The following GAB2 variants were observed in gnomAD, a reference collection of about 807,000 sequenced individuals.
The protein encoded by GAB2 is GRB2 associated binding protein 2.
A neutral mutation model predicts 65.5 loss-of-function variants in GAB2; 26 were observed. The observed-to-expected ratio is 0.40, with a 90% CI of 0.29 to 0.55. The LOEUF (loss-of-function observed/expected upper bound fraction) is 0.55. Ranked by LOEUF, GAB2 falls within the 20% of genes least tolerant of loss-of-function variation. The pLI is 0.53. For missense variants in GAB2, 884 were observed against 875.8 expected (o/e 1.01, Z -0.12); for synonymous variants, 321 against 329.6 (o/e 0.97, Z 0.28).
chr11:78,248,458 G>A (rs1305986536), intron 3 of GAB2, among the ~76,000 whole-genome samples: 1 of 152,188 alleles, frequency 6.6e-6, no homozygotes, highest in Admixed American at 6.5e-5. Flanking sequence ...GTCAGAGTGA[G>A]CATTTCAGTA....
intron 2 of GAB2, among the ~76,000 whole-genome samples, chr11:78,275,805 T>G (rs1304881510): frequency 6.6e-6 from 1 of 152,118 alleles, no homozygotes; most frequent in African/African-American, 2.4e-5. Context: ...TATATCTATA[T>G]CTATATATAT....
At chr11:78,265,583 AG>A (rs1865855025) in intron 2 of GAB2, among the ~76,000 whole-genome samples, 2 of 152,236 alleles carry the variant, frequency 1.3e-5, no homozygotes, top group African/African-American at 4.8e-5. Flanking sequence ...AGCAAATAAA[AG>A]CAAACAATAA....
At position 78,280,775 on chromosome 11, in the gene GAB2, G is replaced by T. The variant is rs530718194; in HGVS notation, c.202C>A (p.Gln68Lys). 6.2e-7 allele frequency: 1 copy of T among 1,614,152 alleles called. No homozygotes were observed. The highest frequency in any genetic ancestry group is 1.3e-5 in the African/African-American group (1 of 75,046). The change falls in exon 2 of 10, where the codon CAG (glutamine) becomes AAG (lysine). Residue 68 changes from glutamine (Q) to lysine (K), a missense_variant. Transcript: ENST00000361507. ...LRIINLNFCE[Q>K]VDAGLTFNKK... is the part of the protein sequence containing the mutation. Reference sequence around the variant, plus strand: ...TTAAAGGTCAGGCCTGCATCTACCTGCTCACAGAAGTTCAGGTTGATGATC... The same window carrying T: ...TTAAAGGTCAGGCCTGCATCTACCTTCTCACAGAAGTTCAGGTTGATGATC...
intron 1 of GAB2, among the ~76,000 whole-genome samples, chr11:78,306,506 A>C (rs1030063834): frequency 6.6e-6 from 1 of 152,240 alleles, no homozygotes; most frequent in African/African-American, 2.4e-5. Context: ...TGCTGGGATT[A>C]CAGGCGGTGA....
chr11:78,263,238 G>C (rs904265229), intron 2 of GAB2, among the ~76,000 whole-genome samples: 1 of 152,176 alleles, frequency 6.6e-6, no homozygotes, highest in Non-Finnish European at 1.5e-5. Flanking sequence ...CTAGTTTGAA[G>C]AGCCCATTAG....
intron 1 of GAB2, among the ~76,000 whole-genome samples, chr11:78,297,659 G>C (rs1866873247): frequency 6.6e-6 from 1 of 152,022 alleles, no homozygotes. Flanking sequence ...AAACAAAGGG[G>C]AAAGTAGAAC....
chr11:78,290,711 C>A (rs909790616), intron 1 of GAB2, among the ~76,000 whole-genome samples: 2 of 152,150 alleles, frequency 1.3e-5, no homozygotes, highest in African/African-American at 4.8e-5. Context: ...AAAGGGCCGC[C>A]AATATGTGGA....
At chr11:78,394,527 G>T (rs1290806627) in intron 1 of GAB2, among the ~76,000 whole-genome samples, 1 of 145,810 alleles carries the variant, frequency 6.9e-6, no homozygotes, top group Non-Finnish European at 1.5e-5. Flanking sequence ...AAAGAAAAAA[G>T]AAAAGAAAAG....
At chr11:78,337,485 G>A (rs183678584) in intron 1 of GAB2, among the ~76,000 whole-genome samples, 1 of 152,206 alleles carries the variant, frequency 6.6e-6, no homozygotes, top group African/African-American at 2.4e-5. Context: ...ATAAAAGAAT[G>A]GAATGATATG....
chr11:78,335,466 C>T (rs1454296552), intron 1 of GAB2, among the ~76,000 whole-genome samples: 1 of 152,156 alleles, frequency 6.6e-6, no homozygotes, highest in Non-Finnish European at 1.5e-5. Flanking sequence ...TACGGATATC[C>T]AGTTTTCCCA....
chr11:78,284,674 T>A (rs547435840), intron 1 of GAB2, among the ~76,000 whole-genome samples: 1 of 152,296 alleles, frequency 6.6e-6, no homozygotes, highest in East Asian at 1.9e-4. Flanking sequence ...CTATTCCTGG[T>A]CCCCGATGCT....
chr11:78,342,565 C>T (rs762029538), intron 1 of GAB2, among the ~76,000 whole-genome samples: 6 of 152,108 alleles, frequency 3.9e-5, no homozygotes, highest in South Asian at 2.1e-4. Flanking sequence ...CCCGCCAGCA[C>T]GCCTGGCGAA....
At chr11:78,405,859 A>G (rs1857037280) in intron 1 of GAB2, among the ~76,000 whole-genome samples, 1 of 152,154 alleles carries the variant, frequency 6.6e-6, no homozygotes, top group Non-Finnish European at 1.5e-5. Context: ...ATTCCCAAAG[A>G]AAGTCTGCTC....
chr11:78,390,525 G>A (rs1218861654), intron 1 of GAB2, among the ~76,000 whole-genome samples: 1 of 152,168 alleles, frequency 6.6e-6, no homozygotes, highest in African/African-American at 2.4e-5. Context: ...GGAGGCGGAG[G>A]TTGCAGCAAG....
intron 3 of GAB2, among the ~76,000 whole-genome samples, chr11:78,230,622 G>A (rs1339066982): frequency 1.3e-5 from 2 of 152,232 alleles, no homozygotes; most frequent in African/African-American, 4.8e-5. Flanking sequence ...GCCATATCCT[G>A]TACCCTGGCA....
At chr11:78,403,626 T>C (rs1857003184) in intron 1 of GAB2, among the ~76,000 whole-genome samples, 2 of 152,172 alleles carry the variant, frequency 1.3e-5, no homozygotes, top group Admixed American at 6.5e-5. Context: ...CCTGAAACTA[T>C]AAAACTATTA....
At chr11:78,404,186 A>G (rs1857010133) in intron 1 of GAB2, among the ~76,000 whole-genome samples, 1 of 152,264 alleles carries the variant, frequency 6.6e-6, no homozygotes, top group African/African-American at 2.4e-5. Flanking sequence ...AACATGCAGA[A>G]TCAACCTAAG....
intron 3 of GAB2, among the ~76,000 whole-genome samples, chr11:78,230,491 T>A (rs1864808953): frequency 6.6e-6 from 1 of 152,268 alleles, no homozygotes; most frequent in African/African-American, 2.4e-5. Context: ...CATTCCTTCC[T>A]CTGTGCTACC....
chr11:78,346,674 CATATAT>C (rs71046967), intron 1 of GAB2, among the ~76,000 whole-genome samples: 1,230 of 54,722 alleles, frequency 0.022, 14 homozygotes, highest in Non-Finnish European at 0.026. Context: ...ACATCCCCTC[CATATAT>C]ATATATATAT....
Sources: gnomAD v4.1 joint callset for allele counts (sites outside exome capture counted in the v4.1 genomes callset) on GRCh38, gnomAD v4.1.1 for gene constraint, MANE v1.5 for transcripts, NCBI Gene and HGNC (gene_info 2026-07-23, HGNC 2026-07-21) for gene names.